The following PLSCR1 variants were observed in gnomAD, a reference collection of about 807,000 sequenced individuals.
The protein encoded by PLSCR1 is phospholipid scramblase 1.
A neutral mutation model predicts 37.8 loss-of-function variants in PLSCR1; 17 were observed. The observed-to-expected ratio is 0.45, with a 90% CI of 0.31 to 0.68. The LOEUF (loss-of-function observed/expected upper bound fraction) is 0.68, where lower values mean the gene tolerates loss of function less well. Among genes scored for constraint, PLSCR1 ranks in the 30% least tolerant of loss-of-function variants. The pLI, the probability that PLSCR1 is intolerant of heterozygous loss-of-function variation, is 0.06. For missense variants in PLSCR1, 347 were observed against 380.9 expected, an observed-to-expected ratio of 0.91 and a Z score of 0.74; for synonymous variants, 116 against 125.9, an observed-to-expected ratio of 0.92 and a Z score of 0.53.
intron 4 of PLSCR1, among the ~76,000 whole-genome samples, chr3:146,526,509 A>G (rs2044118725): frequency 6.6e-6 from 1 of 152,100 alleles, no homozygotes. Context: ...GTTTTTTTTG[A>G]AACAGTATTT....
At chr3:146,525,574 T>C (rs369897901) in intron 5 of PLSCR1, 31 bp downstream of exon 5, 1 of 1,200,548 alleles carries the variant, frequency 8.3e-7, no homozygotes, top group Non-Finnish European at 1.2e-6. Flanking sequence ...CTACTCTTTA[T>C]AGAAACAGGA....
intron 4 of PLSCR1, among the ~76,000 whole-genome samples, chr3:146,526,880 G>A (rs2044124325): frequency 1.3e-5 from 2 of 152,168 alleles, no homozygotes; most frequent in Admixed American, 6.5e-5. Context: ...AGTGGTTCAC[G>A]ACTGTAATCC....
At chr3:146,527,763 T>G (rs564705160) in intron 4 of PLSCR1, among the ~76,000 whole-genome samples, 1 of 152,066 alleles carries the variant, frequency 6.6e-6, no homozygotes, top group Non-Finnish European at 1.5e-5. Flanking sequence ...CTAAAGAGAG[T>G]GCAAGAAAGA....
intron 3 of PLSCR1, among the ~76,000 whole-genome samples, chr3:146,529,235 G>GA (rs1310791277): frequency 6.6e-6 from 1 of 152,154 alleles, no homozygotes; most frequent in Non-Finnish European, 1.5e-5. Flanking sequence ...AGTATCTTGT[G>GA]AAAAATGATA....
At chr3:146,517,609 C>A (rs1358494446) in intron 7 of PLSCR1, among the ~76,000 whole-genome samples, 2 of 152,136 alleles carry the variant, frequency 1.3e-5, no homozygotes, top group African/African-American at 2.4e-5. Flanking sequence ...CTTATTACTA[C>A]CCACTGTGAG....
chr3:146,521,694 T>A lies in PLSCR1; in HGVS notation c.588A>T (p.Gln196His), dbSNP rs1560080895. Residue 196 changes from glutamine to histidine, a missense_variant, in exon 7 of 9, where the codon CAA becomes CAT. Physicochemically the swap from Gln to His is conservative, Grantham distance 24. Coordinates refer to ENST00000342435, the MANE Select transcript of PLSCR1 (RefSeq NM_021105.3). Reference sequence around the variant, plus strand: ...AACCTATTGGTACACCAGGAGGAGCTTGGATTTCTATCTACAAAGGCAAAA... The same window carrying A: ...AACCTATTGGTACACCAGGAGGAGCATGGATTTCTATCTACAAAGGCAAAA... ...CPCCLQEIEI[Q>H]APPGVPIGYV... 1 of 1,612,886 alleles carries A rather than the reference T, an allele frequency of 6.2e-7. No individual in the cohort carries two copies. Among genetic ancestry groups the A allele is most frequent in the East Asian group, 2.2e-5 (1 of 44,866 alleles).
At chr3:146,530,517 G>C (rs2044182219) in intron 3 of PLSCR1, among the ~76,000 whole-genome samples, 3 of 152,148 alleles carry the variant, frequency 2.0e-5, no homozygotes, top group African/African-American at 7.2e-5. Flanking sequence ...ATGTGATGGA[G>C]AGAATGTATG....
intron 1 of PLSCR1, among the ~76,000 whole-genome samples, chr3:146,542,784 T>C (rs1368657509): frequency 6.6e-6 from 1 of 152,192 alleles, no homozygotes; most frequent in Admixed American, 6.5e-5. Flanking sequence ...ATTCTTCCTA[T>C]ATAAATATTC....
chr3:146,529,043 G>A (rs1341320129), intron 3 of PLSCR1, among the ~76,000 whole-genome samples: 1 of 152,122 alleles, frequency 6.6e-6, no homozygotes, highest in Non-Finnish European at 1.5e-5. Flanking sequence ...GCGGTGAATA[G>A]CCTTACCCTT....
intron 8 of PLSCR1, 47 bp from the exon 9 acceptor site, chr3:146,516,148 G>C: frequency 8.4e-7 from 1 of 1,190,698 alleles, no homozygotes; most frequent in South Asian, 1.3e-5. Context: ...CAACAAAACA[G>C]AGATCAATTA....
At chr3:146,527,614 T>G (rs923870452) in intron 4 of PLSCR1, among the ~76,000 whole-genome samples, 9 of 152,220 alleles carry the variant, frequency 5.9e-5, no homozygotes, top group Admixed American at 3.9e-4. Context: ...ACCTTTGTCA[T>G]ATGTGATAAC....
intron 8 of PLSCR1, 171 bp downstream of exon 8, chr3:146,516,835 G>C (rs1278136719): frequency 3.8e-6 from 2 of 525,686 alleles, no homozygotes; most frequent in East Asian, 7.1e-5. Flanking sequence ...AGTCACCTGT[G>C]ACCCCAGAGT....
intron 1 of PLSCR1, among the ~76,000 whole-genome samples, chr3:146,538,563 A>G (rs1324763075): frequency 1.3e-5 from 2 of 152,092 alleles, no homozygotes; most frequent in Non-Finnish European, 2.9e-5. Context: ...AAAAAATTCT[A>G]TGGCCTTTAA....
chr3:146,530,821 T>C (rs779819907), intron 3 of PLSCR1, among the ~76,000 whole-genome samples: 5 of 152,158 alleles, frequency 3.3e-5, no homozygotes, highest in Non-Finnish European at 5.9e-5. Flanking sequence ...GATTGGCAAG[T>C]ACTGGAGGAA....
In PLSCR1 at chr3:146,528,664, C is replaced by T. The variant is rs749181054; in HGVS notation, c.262G>A (p.Ala88Thr). The change falls in exon 4 of 9, where the codon GCG becomes ACG. Residue 88 changes from alanine to threonine, a missense_variant. Coordinates refer to ENST00000342435, the MANE Select transcript of PLSCR1 (RefSeq NM_021105.3). ...GGACAGTTTAATGGAGGCTGTGGCG[C>T]TGGCATCCATGGTACCCCTGCAGCT... ...VGAAGVPWMP[A>T]PQPPLNCPPG... 3 of 1,614,162 alleles carry T rather than the reference C, an allele frequency of 1.9e-6. No individual in the cohort carries two copies. The East Asian group carries it at 6.7e-5, about 36-fold the overall frequency.
At chr3:146,521,217 C>T (rs1174515938) in intron 7 of PLSCR1, among the ~76,000 whole-genome samples, 4 of 152,180 alleles carry the variant, frequency 2.6e-5, no homozygotes, top group African/African-American at 9.7e-5. Context: ...GGCAATCAGA[C>T]TTAGATGGCA....
chr3:146,535,753 A>G (rs371656164), intron 2 of PLSCR1, among the ~76,000 whole-genome samples: 1 of 152,166 alleles, frequency 6.6e-6, no homozygotes, highest in African/African-American at 2.4e-5. Flanking sequence ...AAAAGCTTTG[A>G]GTTTTGTAAG....
intron 1 of PLSCR1, chr3:146,540,759 A>C (rs2044327778): frequency 6.6e-6 from 1 of 152,176 alleles, no homozygotes; most frequent in African/African-American, 2.4e-5. Context: ...ACTGCTCTGA[A>C]AACAAGAATT....
intron 7 of PLSCR1, among the ~76,000 whole-genome samples, chr3:146,521,273 T>C (rs961631274): frequency 7.2e-5 from 11 of 152,222 alleles, no homozygotes; most frequent in African/African-American, 2.4e-4. Flanking sequence ...TGTCATCACA[T>C]AGAAACCACC....
Sources: allele counts gnomAD v4.1 joint callset (sites outside exome capture counted in the v4.1 genomes callset), GRCh38; gene constraint gnomAD v4.1.1; transcripts MANE v1.5; gene names NCBI Gene and HGNC (gene_info 2026-07-23, HGNC 2026-07-21).